The following STK38L variants were observed in gnomAD, a reference collection of about 807,000 sequenced individuals.
STK38L encodes the protein serine/threonine kinase 38 like, also known as serine/threonine-protein kinase 38-like.
STK38L carries 28 observed loss-of-function variants against 59.7 expected under a neutral mutation model. That is an observed-to-expected ratio of 0.47 (90% confidence interval 0.35 to 0.64). The LOEUF is 0.64. Ranked by LOEUF, STK38L falls within the 30% of genes least tolerant of loss-of-function variation. STK38L has a pLI of 0.01. For missense variants in STK38L, 314 were observed against 555.8 expected (o/e 0.56, Z 4.37); for synonymous variants, 162 against 176.8 (o/e 0.92, Z 0.66).
intron 5 of STK38L, among the ~76,000 whole-genome samples, chr12:27,311,704 T>C (rs1015017405): frequency 4.6e-5 from 7 of 152,018 alleles, no homozygotes; most frequent in African/African-American, 1.2e-4. Flanking sequence ...CTAACATTTA[T>C]AGATATGGTA....
chr12:27,268,547 T>G (rs1943349953), intron 1 of STK38L, among the ~76,000 whole-genome samples: 1 of 152,246 alleles, frequency 6.6e-6, no homozygotes, highest in South Asian at 2.1e-4. Context: ...GTTCCAAGTC[T>G]TTGTTATTGT....
chr12:27,320,381 C>T (rs1449323555), intron 12 of STK38L, among the ~76,000 whole-genome samples: 1 of 151,852 alleles, frequency 6.6e-6, no homozygotes, highest in East Asian at 1.9e-4. Flanking sequence ...ATCCCCCCAC[C>T]TCATCCCCGC....
At chr12:27,316,296 T>A (rs1944582762) in intron 9 of STK38L, among the ~76,000 whole-genome samples, 1 of 152,218 alleles carries the variant, frequency 6.6e-6, no homozygotes, top group South Asian at 2.1e-4. Flanking sequence ...TTAAAATGTG[T>A]CCATTTTAGA....
rs554096905 is a variant in STK38L, at chr12:27,262,718, A to G, written c.-12+18386A>G. Among the ~76,000 whole-genome samples the G allele has an allele frequency of 1.2e-3, 184 of 152,104 alleles. 1 individual carries two copies. The highest frequency in any genetic ancestry group is 4.2e-3 in the African/African-American group (174 of 41,500). ...GGACTCTATCTCTAATTAAAAAAAA[A>G]AAAAAAAGGAATAATATGGATAGAT... On this transcript the variant is annotated intron_variant, in intron 1 of 13. Transcript: ENST00000389032.
In STK38L at chr12:27,297,771, C is replaced by A; in HGVS notation, c.51C>A (p.Thr17=). 1.9e-6 allele frequency: 3 copies of A among 1,613,958 alleles called. No homozygotes were observed. In the East Asian group the frequency reaches 6.7e-5, roughly 36 times the overall value. ...TTTTFPMSNH[T]RERVTVAKLT... is the part of the protein sequence containing the mutation. ...CAACCTTTCCTATGAGCAACCATAC[C>A]CGGGAAAGAGTGACTGTAGCCAAGC... The change falls in exon 2 of 14, where the codon ACC becomes ACA. Residue 17 remains threonine, a synonymous_variant. Coordinates refer to ENST00000389032, the MANE Select transcript of STK38L (RefSeq NM_015000.4).
Position 27,317,370 on chromosome 12 carries a change from C to T in STK38L, c.872C>T (p.Ala291Val). The T allele has an allele frequency of 6.2e-7, 1 of 1,613,136 alleles. No individual in the cohort carries two copies. Among genetic ancestry groups the T allele is most frequent in the South Asian group, 1.1e-5 (1 of 90,852 alleles). ...ACAGTTGGGACACCAGATTACATTGCTCCAGAAGTATTCATGCAGACTGGT... is the reference window on the plus strand; with the variant it reads ...ACAGTTGGGACACCAGATTACATTGTTCCAGAAGTATTCATGCAGACTGGT... Reference protein sequence around the residue: ...YSTVGTPDYIAPEVFMQTGYN... With the variant: ...YSTVGTPDYIVPEVFMQTGYN... The change falls in exon 10 of 14, where the codon GCT (alanine) becomes GTT (valine). Residue 291 changes from alanine to valine, a missense_variant. Coordinates refer to ENST00000389032, the MANE Select transcript of STK38L (RefSeq NM_015000.4).
Position 27,311,459 on chromosome 12 carries a change from C to T in STK38L, c.394-1090C>T, listed in dbSNP as rs574773248. Among the ~76,000 whole-genome samples, 110 of 152,202 alleles carry T rather than the reference C, an allele frequency of 7.2e-4. 3 individuals carry two copies. In the South Asian group the frequency reaches 0.021, roughly 29 times the overall value. On this transcript the variant is annotated intron_variant, in intron 5 of 13. Coordinates refer to ENST00000389032, the MANE Select transcript of STK38L (RefSeq NM_015000.4). ...ATGTGCTTTGGACCAGAGTTTTTAA[C>T]GTTGCACAATGAAAATAGCAAAAGC...
intron 1 of STK38L, among the ~76,000 whole-genome samples, chr12:27,274,899 C>G (rs368934887): frequency 1.3e-5 from 2 of 152,216 alleles, no homozygotes; most frequent in African/African-American, 4.8e-5. Flanking sequence ...TGCCCCAGTT[C>G]AGTCATATCC....
intron 1 of STK38L, among the ~76,000 whole-genome samples, chr12:27,260,917 CTGT>C (rs1943191817): frequency 6.6e-6 from 1 of 152,168 alleles, no homozygotes; most frequent in Non-Finnish European, 1.5e-5. Context: ...AACTAGACTT[CTGT>C]TGTTGAGAGC....
At chr12:27,269,169 GTGTTTTAGACA>G (rs1289011702) in intron 1 of STK38L, among the ~76,000 whole-genome samples, 2 of 152,118 alleles carry the variant, frequency 1.3e-5, no homozygotes, top group Non-Finnish European at 2.9e-5. Context: ...ATTGCTTTTG[GTGTTTTAGACA>G]TGAAGTCCTT....
At chr12:27,290,808 A>T (rs1034954130) in intron 1 of STK38L, among the ~76,000 whole-genome samples, 8 of 152,222 alleles carry the variant, frequency 5.3e-5, no homozygotes, top group African/African-American at 1.7e-4. Context: ...GACAGAGCTC[A>T]TTGTGGACAG....
chr12:27,266,313 A>G (rs1943300078), intron 1 of STK38L, among the ~76,000 whole-genome samples: 1 of 152,204 alleles, frequency 6.6e-6, no homozygotes, highest in African/African-American at 2.4e-5. Flanking sequence ...GCCTGGGGAA[A>G]ACTTTAGTAG....
At chr12:27,309,255 G>A in intron 5 of STK38L, 58 bp downstream of exon 5, 1 of 1,298,224 alleles carries the variant, frequency 7.7e-7, no homozygotes, top group Non-Finnish European at 1.1e-6. Flanking sequence ...AGTGTTAAGA[G>A]TGTTTATATT....
At chr12:27,302,016 A>C in intron 2 of STK38L, 121 bp from the exon 3 acceptor site, 1 of 695,670 alleles carries the variant, frequency 1.4e-6, no homozygotes, top group Non-Finnish European at 2.2e-6. Context: ...TCCAACTTGA[A>C]AGTTTTTTTT....
At chr12:27,297,453 T>C (rs1232272488) in intron 1 of STK38L, among the ~76,000 whole-genome samples, 1 of 152,230 alleles carries the variant, frequency 6.6e-6, no homozygotes, top group Non-Finnish European at 1.5e-5. Context: ...TGTGTCTATA[T>C]TATATATGGA....
intron 1 of STK38L, among the ~76,000 whole-genome samples, chr12:27,274,467 G>T (rs1278325448): frequency 2.0e-5 from 3 of 152,244 alleles, no homozygotes; most frequent in African/African-American, 7.2e-5. Context: ...ACCTGAAAAA[G>T]AATTCTTTTT....
chr12:27,313,375 T>G (rs1178132717), intron 6 of STK38L, among the ~76,000 whole-genome samples: 1 of 152,020 alleles, frequency 6.6e-6, no homozygotes, highest in Admixed American at 6.6e-5. Context: ...GGTTTTGTTT[T>G]GTTTTGTTTT....
intron 1 of STK38L, among the ~76,000 whole-genome samples, chr12:27,254,514 T>A (rs1216868112): frequency 6.6e-6 from 1 of 152,202 alleles, no homozygotes; most frequent in Non-Finnish European, 1.5e-5. Context: ...CACTACAGAT[T>A]TCTTTTTTAC....
intron 1 of STK38L, among the ~76,000 whole-genome samples, chr12:27,270,199 C>G (rs1323569417): frequency 6.6e-6 from 1 of 152,038 alleles, no homozygotes; most frequent in Non-Finnish European, 1.5e-5. Context: ...TATAAGAGAT[C>G]CAAATGAATC....
Sources: gnomAD v4.1 joint callset for allele counts (sites outside exome capture counted in the v4.1 genomes callset) on GRCh38, gnomAD v4.1.1 for gene constraint, MANE v1.5 for transcripts, NCBI Gene and HGNC (gene_info 2026-07-23, HGNC 2026-07-21) for gene names.